The following DNAH5 variants were observed in gnomAD, a reference collection of about 807,000 sequenced individuals.
The protein encoded by DNAH5 is axonemal beta dynein heavy chain 5.
A neutral mutation model predicts 518.2 loss-of-function variants in DNAH5; 372 were observed. The ratio of observed to expected loss-of-function variants is 0.72; its 90% confidence interval spans 0.66 to 0.78. The LOEUF (loss-of-function observed/expected upper bound fraction) is 0.78. DNAH5 is among the 30% of genes least tolerant of loss of function. The pLI is 0.00. For synonymous variants in DNAH5, 2,039 were observed against 2,025.9 expected (o/e 1.01, Z -0.17); for missense variants, 5,523 against 5,687.0 (o/e 0.97, Z 0.93).
At chr5:13,980,788 CCT>C (rs1469850884) in intron 1 of DNAH5, among the ~76,000 whole-genome samples, 1 of 152,184 alleles carries the variant, frequency 6.6e-6, no homozygotes, top group Non-Finnish European at 1.5e-5. Flanking sequence ...CATCCCAATA[CCT>C]CTCCTACTCC....
intron 61 of DNAH5, among the ~76,000 whole-genome samples, chr5:13,755,316 T>C (rs771020924): frequency 2.9e-4 from 44 of 152,160 alleles, no homozygotes; most frequent in Non-Finnish European, 5.1e-4. Flanking sequence ...AAATAAATTA[T>C]AGTGTATCCA....
intron 1 of DNAH5, among the ~76,000 whole-genome samples, chr5:13,983,045 T>G (rs1458144581): frequency 2.6e-5 from 4 of 152,212 alleles, no homozygotes; most frequent in African/African-American, 9.6e-5. Flanking sequence ...AAAATACTGA[T>G]TGTCAAGCCT....
intron 70 of DNAH5, 148 bp from the exon 71 acceptor site, chr5:13,721,393 A>G: frequency 1.1e-6 from 1 of 925,642 alleles, no homozygotes; most frequent in Non-Finnish European, 1.6e-6. Context: ...ACTGTTTTTC[A>G]TATTTGTTTG....
intron 1 of DNAH5, among the ~76,000 whole-genome samples, chr5:13,966,844 A>T (rs991178617): frequency 5.9e-5 from 9 of 151,976 alleles, no homozygotes; most frequent in African/African-American, 2.2e-4. Flanking sequence ...ATGCTAAAGC[A>T]TTGTTTTTTG....
In DNAH5 at chr5:13,770,775, A is replaced by G. The variant is rs139606604; in HGVS notation, c.9579T>C (p.His3193=). The G allele has an allele frequency of 1.9e-6, 3 of 1,614,030 alleles. No individual in the cohort carries two copies. Among genetic ancestry groups the G allele is most frequent in the South Asian group, 2.2e-5 (2 of 91,080 alleles). The change falls in exon 56 of 79, where the codon CAT becomes CAC. Residue 3193 remains histidine (H), a synonymous_variant. Coordinates refer to ENST00000265104, the MANE Select transcript of DNAH5 (RefSeq NM_001369.3). Reference sequence around the variant, plus strand: ...TGTTGGCCAGGGTCCGCACCTCCACATGCTTTTCTCCATATATGAACTTAT... The same window carrying G: ...TGTTGGCCAGGGTCCGCACCTCCACGTGCTTTTCTCCATATATGAACTTAT... The part of the protein sequence containing the change: ...QGYKFIYGEK[H]VEVRTLANRM...
chr5:13,762,899 T>C lies in DNAH5; in HGVS notation c.10104A>G (p.Gln3368=), dbSNP rs772963135. ...CTTCATTGATTGTGTCTTTTGGGAA[T>C]TGCTATGGAAGAAAAGAGTAAAATA... ...TAGNFLQNLQ[Q]FPKDTINEEV... The change falls in exon 60 of 79, where the codon CAA becomes CAG. Residue 3368 remains glutamine, a splice_region_variant and synonymous_variant. Transcript: ENST00000265104. 4.3e-6 allele frequency: 7 copies of C among 1,613,338 alleles called. No homozygotes were observed. The African/African-American group carries it at 8.0e-5, about 18-fold the overall frequency.
chr5:13,949,630 T>G (rs1246184163), upstream of DNAH5, among the ~76,000 whole-genome samples: 12 of 152,332 alleles, frequency 7.9e-5, no homozygotes, highest in East Asian at 2.1e-3. Context: ...GAGTAAACAC[T>G]AAGAGCATCT....
At chr5:13,740,838 C>T (rs887239104) in intron 65 of DNAH5, among the ~76,000 whole-genome samples, 7 of 152,154 alleles carry the variant, frequency 4.6e-5, no homozygotes, top group South Asian at 2.1e-4. Context: ...AGCTGACTCC[C>T]CAGCTCTCCC....
intron 11 of DNAH5, among the ~76,000 whole-genome samples, 188 bp from the exon 12 acceptor site, chr5:13,911,681 C>A (rs1776014298): frequency 6.6e-6 from 1 of 152,066 alleles, no homozygotes. Context: ...TGCCCTACTG[C>A]ATTCAAAGAA....
At chr5:13,800,166 G>T (rs1192317505) in intron 47 of DNAH5, among the ~76,000 whole-genome samples, 1 of 152,126 alleles carries the variant, frequency 6.6e-6, no homozygotes, top group Non-Finnish European at 1.5e-5. Flanking sequence ...GGTGAGGTGT[G>T]AAATATTTTG....
chr5:13,704,731 TC>T (rs933909460), intron 76 of DNAH5, among the ~76,000 whole-genome samples: 5 of 152,108 alleles, frequency 3.3e-5, no homozygotes, highest in African/African-American at 1.2e-4. Context: ...ATAAATTTTG[TC>T]CCATCTCCAT....
Position 13,885,946 on chromosome 5 carries a change from C to A in DNAH5, c.2743+18G>T. On this transcript the variant is annotated intron_variant, in intron 18 of 78. Coordinates refer to ENST00000265104, the MANE Select transcript of DNAH5 (RefSeq NM_001369.3). ...ATGTCATAGAAAAACAAGACCCTTT[C>A]ATTACCCCATCTCTTACCTGAACTT... is the stretch of plus-strand genomic sequence containing the variant. The A allele has an allele frequency of 6.2e-7, 1 of 1,608,916 alleles. No homozygotes were observed. Among genetic ancestry groups the A allele is most frequent in the Non-Finnish European group, 8.5e-7 (1 of 1,177,318 alleles).
At chr5:13,979,418 C>G (rs1782509915) in intron 1 of DNAH5, among the ~76,000 whole-genome samples, 1 of 151,976 alleles carries the variant, frequency 6.6e-6, no homozygotes, top group Non-Finnish European at 1.5e-5. Context: ...GTAAGCTTCC[C>G]CAGCACATGG....
At chr5:13,897,426 C>T (rs1253453142) in intron 15 of DNAH5, 3 of 152,162 alleles carry the variant, frequency 2.0e-5, no homozygotes, top group African/African-American at 7.2e-5. Flanking sequence ...GAAACCCAGG[C>T]TTAGAAGGTG....
chr5:13,799,891 T>G (rs2126951352), intron 47 of DNAH5, among the ~76,000 whole-genome samples: 1 of 152,316 alleles, frequency 6.6e-6, no homozygotes, highest in South Asian at 2.1e-4. Flanking sequence ...ATGTGTGTAT[T>G]TATTAAAATG....
chr5:13,908,111 G>T (rs887767139), intron 12 of DNAH5, among the ~76,000 whole-genome samples: 1 of 152,142 alleles, frequency 6.6e-6, no homozygotes, highest in African/African-American at 2.4e-5. Flanking sequence ...ATCCAGCAAA[G>T]CTCCAAAACT....
rs771423206 is a variant in DNAH5, at chr5:13,716,506, T to C, written c.12890A>G (p.Asn4297Ser). ...YNIPKCSTVD[N>S]YLQYIQSLPA... ...ACAAACCTGGATATACTGAAGATAG[T>C]TATCCACTGTGCTGCATTTTGGAAT... The change falls in exon 74 of 79, where the codon AAC becomes AGC. Residue 4297 changes from asparagine to serine, a missense_variant. By Grantham distance (46) the Asn-to-Ser change is conservative. Transcript: ENST00000265104. The C allele has an allele frequency of 6.2e-7, 1 of 1,613,262 alleles. No individual in the cohort carries two copies. Among genetic ancestry groups the C allele is most frequent in the Non-Finnish European group, 8.5e-7 (1 of 1,179,296 alleles).
chr5:13,965,783 T>C (rs1474173936), intron 1 of DNAH5, among the ~76,000 whole-genome samples: 1 of 152,180 alleles, frequency 6.6e-6, no homozygotes, highest in East Asian at 1.9e-4. Flanking sequence ...ACAGCTGTAG[T>C]GAGCTGAATA....
In DNAH5 at chr5:13,794,062, T is replaced by C. The variant is rs775268409; in HGVS notation, c.7888-4A>G. 3.4e-5 allele frequency: 55 copies of C among 1,613,600 alleles called. No individual in the cohort carries two copies. The highest frequency in any genetic ancestry group is 3.3e-4 in the Middle Eastern group (2 of 6,082). On this transcript the variant is annotated splice_polypyrimidine_tract_variant and splice_region_variant and intron_variant, in intron 47 of 78. Coordinates refer to ENST00000265104, the MANE Select transcript of DNAH5 (RefSeq NM_001369.3). ...CCACATAGCTCTCTATCGTCCTCTG[T>C]GAAAAAAAAATCAACTGAAACATCT...
Sources: gnomAD v4.1 joint callset for allele counts (sites outside exome capture counted in the v4.1 genomes callset) on GRCh38, gnomAD v4.1.1 for gene constraint, MANE v1.5 for transcripts, NCBI Gene and HGNC (gene_info 2026-07-23, HGNC 2026-07-21) for gene names.